Variants in USH2A observed in about 807,000 individuals in gnomAD.
USH2A encodes usherin, also known as Usher syndrome 2A (autosomal recessive, mild).
USH2A carries 443 observed loss-of-function variants against 538.9 expected under a neutral mutation model. The observed-to-expected ratio is 0.82, with a 90% CI of 0.76 to 0.89. USH2A has a LOEUF of 0.89. USH2A is among the 40% of genes least tolerant of loss of function. The probability of loss-of-function intolerance (pLI) is 0.00; values close to 1 mark genes in which losing one functional copy is unlikely to be tolerated. For synonymous variants in USH2A, 2,413 were observed against 2,273.5 expected (o/e 1.06, Z -1.75); for missense variants, 6,633 against 6,324.8 (o/e 1.05, Z -1.65).
At chr1:216,362,960 T>C (rs929425006) in intron 4 of USH2A, among the ~76,000 whole-genome samples, 4 of 150,836 alleles carry the variant, frequency 2.7e-5, no homozygotes, top group Admixed American at 6.6e-5. Flanking sequence ...AATAATAAAA[T>C]AATAATATTA....
Position 216,394,712 on chromosome 1 carries a change from G to A in USH2A, c.651+23802C>T, listed in dbSNP as rs546021532. Among the ~76,000 whole-genome samples the A allele has an allele frequency of 2.2e-3, 180 of 81,192 alleles. 1 individual carries two copies. In the Middle Eastern group the frequency reaches 0.045, roughly 21 times the overall value. The allele number at this position is 81,192 out of a possible 152,430, so 53.3% of individuals were successfully genotyped here. A position where few individuals can be genotyped will look rare whatever the true frequency, so the allele number is the denominator to read the frequency against. On this transcript the variant is annotated intron_variant, in intron 3 of 71. Coordinates refer to ENST00000307340, the MANE Select transcript of USH2A (RefSeq NM_206933.4). Reference sequence around the variant, plus strand: ...TACATCAACTTAAGGCCTAATAACTGGTCCAGTCTTTTTTTTTTTTTTTTG... The same window carrying A: ...TACATCAACTTAAGGCCTAATAACTAGTCCAGTCTTTTTTTTTTTTTTTTG...
intron 3 of USH2A, among the ~76,000 whole-genome samples, chr1:216,409,162 C>G (rs1041752230): frequency 6.6e-6 from 1 of 151,968 alleles, no homozygotes; most frequent in African/African-American, 2.4e-5. Context: ...ATACAGTTAA[C>G]CAGGGAGGGG....
intron 44 of USH2A, among the ~76,000 whole-genome samples, chr1:215,863,723 C>T (rs550022136): frequency 1.3e-5 from 2 of 151,996 alleles, no homozygotes; most frequent in Admixed American, 1.3e-4. Context: ...GGCTGTAATT[C>T]CAGCACTTTA....
chr1:216,105,193 G>A (rs1266299241), intron 21 of USH2A, among the ~76,000 whole-genome samples: 2 of 151,894 alleles, frequency 1.3e-5, no homozygotes, highest in African/African-American at 2.4e-5. Context: ...AATGGTTAGC[G>A]CTTTGTTTGT....
At chr1:215,870,035 C>A (rs570780293) in intron 43 of USH2A, among the ~76,000 whole-genome samples, 2 of 152,256 alleles carry the variant, frequency 1.3e-5, no homozygotes, top group East Asian at 3.9e-4. Flanking sequence ...GTGTGTGCTA[C>A]ATCATACAGA....
At chr1:215,755,901 GA>G (rs199749124) in intron 58 of USH2A, among the ~76,000 whole-genome samples, 30 of 152,056 alleles carry the variant, frequency 2.0e-4, no homozygotes, top group African/African-American at 6.3e-4. Context: ...TGAATTCAAA[GA>G]AAAAAATGAC....
intron 44 of USH2A, among the ~76,000 whole-genome samples, chr1:215,851,864 G>A (rs1164972013): frequency 6.6e-6 from 1 of 151,352 alleles, no homozygotes; most frequent in African/African-American, 2.4e-5. Flanking sequence ...TTCATACCAG[G>A]GATGCAGGGA....
At chr1:216,297,439 T>A (rs1022050606) in intron 9 of USH2A, among the ~76,000 whole-genome samples, 1 of 152,132 alleles carries the variant, frequency 6.6e-6, no homozygotes, top group African/African-American at 2.4e-5. Context: ...CTTACTTTTA[T>A]CTGACTCAAA....
chr1:216,409,648 A>G (rs1033388183), intron 3 of USH2A, among the ~76,000 whole-genome samples: 5 of 152,168 alleles, frequency 3.3e-5, no homozygotes, highest in African/African-American at 9.7e-5. Flanking sequence ...TCCCTATTCA[A>G]TAAATGTTGG....
chr1:216,160,008 C>T (rs2034025800), intron 21 of USH2A, among the ~76,000 whole-genome samples: 2 of 151,986 alleles, frequency 1.3e-5, no homozygotes, highest in African/African-American at 2.4e-5. Flanking sequence ...CTAGTAATGG[C>T]TCTTTGCATC....
At chr1:215,928,630 G>T (rs1230591979) in intron 38 of USH2A, among the ~76,000 whole-genome samples, 1 of 152,028 alleles carries the variant, frequency 6.6e-6, no homozygotes, top group Non-Finnish European at 1.5e-5. Flanking sequence ...GGCAAGCAAA[G>T]GTTTTCAGGG....
At chr1:216,224,712 C>T (rs1466757836) in intron 14 of USH2A, among the ~76,000 whole-genome samples, 2 of 151,972 alleles carry the variant, frequency 1.3e-5, no homozygotes, top group East Asian at 3.9e-4. Flanking sequence ...AGCAAATAAA[C>T]CAAGAGAAAA....
At chr1:216,207,566 C>T in intron 15 of USH2A, 135 bp from the exon 16 acceptor site, 3 of 1,115,458 alleles carry the variant, frequency 2.7e-6, no homozygotes, top group Non-Finnish European at 2.6e-6. Context: ...TTTACCAAGA[C>T]ATTAATAAAC....
chr1:215,759,169 C>CAGAT (rs906758210), intron 57 of USH2A, among the ~76,000 whole-genome samples: 4 of 152,264 alleles, frequency 2.6e-5, no homozygotes, highest in African/African-American at 9.6e-5. Flanking sequence ...TACAGTAAAA[C>CAGAT]ATCTGTTGAT....
At position 215,766,699 on chromosome 1, in the gene USH2A, G is replaced by A. The variant is rs760284157; in HGVS notation, c.11029C>T (p.Leu3677=). Residue 3677 remains leucine (L), a synonymous_variant, in exon 56 of 72, where the codon CTG becomes TTG. Transcript: ENST00000307340. ...TCATTACCTTCAGGAGCTGCCTGCA[G>A]TGTCTGACCTAGAAAAGGCTCGCTT... ...TSSEPFLGQT[L]QAAPEGVWVT... 1.2e-6 allele frequency: 2 copies of A among 1,613,634 alleles called. No individual in the cohort carries two copies. Among genetic ancestry groups the A allele is most frequent in the Non-Finnish European group, 1.7e-6 (2 of 1,179,594 alleles).
chr1:215,932,953 T>C (rs897024887), intron 38 of USH2A, among the ~76,000 whole-genome samples: 14 of 152,036 alleles, frequency 9.2e-5, no homozygotes, highest in Admixed American at 2.6e-4. Context: ...CTATTTTTAA[T>C]TGAATCTTGA....
At position 215,904,382 on chromosome 1, in the gene USH2A, A is replaced by G. The variant is rs190773478; in HGVS notation, c.7301-3477T>C. Among the ~76,000 whole-genome samples, 43 of 152,248 alleles carry G rather than the reference A, an allele frequency of 2.8e-4. No individual in the cohort carries two copies. The East Asian group carries it at 8.1e-3, about 29-fold the overall frequency. ...GCTCCACTAAATTGGTACACTTTGAATATATTAAATTGTGAAATATTTCCA... is the reference window on the plus strand; with the variant it reads ...GCTCCACTAAATTGGTACACTTTGAGTATATTAAATTGTGAAATATTTCCA... On this transcript the variant is annotated intron_variant, in intron 38 of 71. Coordinates refer to ENST00000307340, the MANE Select transcript of USH2A (RefSeq NM_206933.4).
chr1:216,408,047 T>A (rs1051516043), intron 3 of USH2A, among the ~76,000 whole-genome samples: 8 of 152,156 alleles, frequency 5.3e-5, no homozygotes, highest in African/African-American at 1.7e-4. Context: ...TTACATATAT[T>A]ATACAATTTA....
chr1:215,671,898 A>G (rs1220638364), intron 63 of USH2A, among the ~76,000 whole-genome samples: 2 of 152,148 alleles, frequency 1.3e-5, no homozygotes, highest in Admixed American at 6.5e-5. Flanking sequence ...TTACGGTCTC[A>G]GTGGTAATAA....
Sources: gnomAD v4.1 joint callset for allele counts (sites outside exome capture counted in the v4.1 genomes callset) on GRCh38, gnomAD v4.1.1 for gene constraint, MANE v1.5 for transcripts, NCBI Gene and HGNC (gene_info 2026-07-23, HGNC 2026-07-21) for gene names.